The following SLC7A9 variants were observed in gnomAD, a reference collection of about 807,000 sequenced individuals.
SLC7A9 encodes the protein B(0,+)-type amino acid transporter 1.
SLC7A9 carries 38 observed loss-of-function variants against 54.1 expected under a neutral mutation model. The observed-to-expected ratio is 0.70, with a 90% CI of 0.54 to 0.92. The LOEUF (loss-of-function observed/expected upper bound fraction) is 0.92, where lower values mean the gene tolerates loss of function less well. Among genes scored for constraint, SLC7A9 ranks in the 40% least tolerant of loss-of-function variants. The pLI is 0.00. For missense variants in SLC7A9, 537 were observed against 636.1 expected, an observed-to-expected ratio of 0.84 and a Z score of 1.68; for synonymous variants, 264 against 258.9, an observed-to-expected ratio of 1.02 and a Z score of -0.19.
At chr19:32,844,512 C>A (rs1246895496) in intron 9 of SLC7A9, among the ~76,000 whole-genome samples, 1 of 151,968 alleles carries the variant, frequency 6.6e-6, no homozygotes, top group Admixed American at 6.6e-5. Context: ...TCTGGCTAAC[C>A]AGAATTTCTT....
intron 1 of SLC7A9, 60 bp from the exon 2 acceptor site, chr19:32,868,705 C>T (rs898198719): frequency 2.1e-5 from 14 of 682,116 alleles, no homozygotes; most frequent in Non-Finnish European, 3.2e-5. Flanking sequence ...TCCCTCAGGG[C>T]TCATGCGCTG....
intron 9 of SLC7A9, among the ~76,000 whole-genome samples, chr19:32,852,385 G>A (rs1376943114): frequency 6.6e-6 from 1 of 151,950 alleles, no homozygotes; most frequent in Non-Finnish European, 1.5e-5. Flanking sequence ...AGCTACTTGA[G>A]AGGCTGAGGT....
intron 9 of SLC7A9, among the ~76,000 whole-genome samples, chr19:32,851,172 A>G (rs1321905635): frequency 1.3e-5 from 2 of 152,208 alleles, no homozygotes; most frequent in African/African-American, 2.4e-5. Context: ...AAATTGACAA[A>G]TGGGATCTAA....
chr19:32,864,241 G>A lies in SLC7A9; in HGVS notation c.333C>T (p.Leu111=), dbSNP rs1423900217. The change falls in exon 4 of 13, where the codon CTC becomes CTT. Residue 111 remains leucine (L), a synonymous_variant. Transcript: ENST00000023064. ...TGACGATCAGGCTGGCCCAGGAGAA[G>A]AGGTAGGCGGGGATGGGCCCGTAGG... ...MEAYGPIPAY[L]FSWASLIVIK... The A allele has an allele frequency of 6.2e-7, 1 of 1,614,242 alleles. No individual in the cohort carries two copies. The highest frequency in any genetic ancestry group is 8.5e-7 in the Non-Finnish European group (1 of 1,180,032).
At position 32,843,929 on chromosome 19, in the gene SLC7A9, C is replaced by T. The variant is rs1968202952; in HGVS notation, c.1000G>A (p.Glu334Lys). ...AGRLIYVAGR[E>K]GHMLKVLSYI... ...GAAAGCACTTTGAGCATGTGACCCT[C>T]CCGGCCCGCCACGTAAATGAGTCTG... is the stretch of plus-strand genomic sequence containing the variant. The change falls in exon 10 of 13, where the codon GAG becomes AAG. Residue 334 changes from glutamate (E) to lysine (K), a missense_variant. Physicochemically the swap from Glu to Lys is moderately conservative, Grantham distance 56. Coordinates refer to ENST00000023064, the MANE Select transcript of SLC7A9 (RefSeq NM_014270.5). 3.1e-6 allele frequency: 5 copies of T among 1,613,596 alleles called. No homozygotes were observed. The highest frequency in any genetic ancestry group is 4.2e-6 in the Non-Finnish European group (5 of 1,179,920).
chr19:32,848,379 T>C (rs933131904), intron 9 of SLC7A9, among the ~76,000 whole-genome samples: 3 of 151,952 alleles, frequency 2.0e-5, no homozygotes, highest in African/African-American at 7.3e-5. Context: ...AAGGCAGGGG[T>C]TGCAATCCTA....
In SLC7A9 at chr19:32,830,681, G is replaced by A. The variant is rs80283711; in HGVS notation, c.1403C>T (p.Pro468Leu). 1.0e-3 allele frequency: 1,684 copies of A among 1,613,602 alleles called. 15 individuals are homozygous for A. In the Admixed American group the frequency reaches 0.014, roughly 14 times the overall value. Residue 468 changes from proline to leucine, a missense_variant, in exon 13 of 13, where the codon CCG becomes CTG. Pro to Leu is a moderately conservative substitution (Grantham distance 98). Coordinates refer to ENST00000023064, the MANE Select transcript of SLC7A9 (RefSeq NM_014270.5). ...TAGCATCTGAAGGTGCATGGTAATC[G>A]GCTCTGAAATAAGAGTCAAAAATGA... ...KFGWAQKISK[P>L]ITMHLQMLME...
chr19:32,859,833 G>GCACTCA lies in SLC7A9; in HGVS notation c.873+2_873+7dup. 6.2e-7 allele frequency: 1 copy of GCACTCA among 1,610,472 alleles called. No individual in the cohort carries two copies. Among genetic ancestry groups the GCACTCA allele is most frequent in the Non-Finnish European group, 8.5e-7 (1 of 1,176,686 alleles). On this transcript the variant is annotated splice_region_variant and intron_variant, in intron 8 of 12. Coordinates refer to ENST00000023064, the MANE Select transcript of SLC7A9 (RefSeq NM_014270.5). ...AGCCCCCGCCAGCAGCGATGCCCGG[G>GCACTCA]CACTCACCACAGCCACCGCCTGGGA...
chr19:32,837,715 GTCAGTACGCCTACACGTGGCTT>G (rs1270066915), intron 11 of SLC7A9, among the ~76,000 whole-genome samples: 6 of 152,062 alleles, frequency 3.9e-5, no homozygotes, highest in Admixed American at 6.6e-5. Context: ...ACCTCACACT[GTCAGTACGCCTACACGTGGCTT>G]TCAGTACGCC....
At chr19:32,857,172 CG>C (rs1275027873) in intron 9 of SLC7A9, among the ~76,000 whole-genome samples, 1 of 151,754 alleles carries the variant, frequency 6.6e-6, no homozygotes, top group African/African-American at 2.4e-5. Context: ...AGGCTGGGCA[CG>C]ATAGCTCATG....
chr19:32,839,382 GTC>G (rs1039229383), intron 11 of SLC7A9, among the ~76,000 whole-genome samples: 8 of 152,046 alleles, frequency 5.3e-5, no homozygotes, highest in Non-Finnish European at 1.0e-4. Context: ...GTGAAACCCT[GTC>G]TCTACTAAAA....
intron 9 of SLC7A9, among the ~76,000 whole-genome samples, chr19:32,856,935 G>A (rs939149882): frequency 1.3e-5 from 2 of 152,010 alleles, no homozygotes; most frequent in Admixed American, 6.6e-5. Context: ...GGTGGATCAC[G>A]AGGTCAGGAG....
chr19:32,848,641 C>A (rs562407302), intron 9 of SLC7A9, among the ~76,000 whole-genome samples: 13 of 152,154 alleles, frequency 8.5e-5, no homozygotes, highest in African/African-American at 3.1e-4. Context: ...AGAAAGTTAA[C>A]AAGAATACCC....
At chr19:32,835,913 G>A (rs199659277) in intron 11 of SLC7A9, among the ~76,000 whole-genome samples, 1,659 of 49,384 alleles carry the variant, frequency 0.034, 33 homozygotes, top group African/African-American at 0.14. Flanking sequence ...GTGTGTGTAT[G>A]TGTGTGTGTG....
chr19:32,847,167 T>A (rs11667586), intron 9 of SLC7A9, among the ~76,000 whole-genome samples: 1 of 152,050 alleles, frequency 6.6e-6, no homozygotes, highest in Non-Finnish European at 1.5e-5. Flanking sequence ...TCACCAGCAA[T>A]GGAACAAAGC....
chr19:32,863,552 G>A (rs1018513831), intron 4 of SLC7A9, among the ~76,000 whole-genome samples: 3 of 152,036 alleles, frequency 2.0e-5, no homozygotes, highest in Non-Finnish European at 4.4e-5. Context: ...TAGAGTCAAG[G>A]TTCTCACTGT....
At position 32,860,654 on chromosome 19, in the gene SLC7A9, G is replaced by A. The variant is rs1399794663; in HGVS notation, c.705-4C>T. 1.9e-6 allele frequency: 3 copies of A among 1,613,898 alleles called. No homozygotes were observed. In the African/African-American group the frequency reaches 4.0e-5, roughly 22 times the overall value. ...TGTGATGTAATTGAGTTGATTCCTG[G>A]AAAAAGGAAAGTAACAAGCGTCACA... On this transcript the variant is annotated splice_region_variant and splice_polypyrimidine_tract_variant and intron_variant, in intron 6 of 12. Transcript: ENST00000023064.
intron 11 of SLC7A9, among the ~76,000 whole-genome samples, chr19:32,837,781 T>G (rs956890271): frequency 2.0e-5 from 3 of 152,194 alleles, no homozygotes; most frequent in Non-Finnish European, 4.4e-5. Context: ...GAATTTGGAA[T>G]GTAACTTGAA....
At chr19:32,853,102 G>A (rs1968517908) in intron 9 of SLC7A9, among the ~76,000 whole-genome samples, 1 of 151,950 alleles carries the variant, frequency 6.6e-6, no homozygotes, top group African/African-American at 2.4e-5. Flanking sequence ...GTAGAGACAG[G>A]GTTTCACCAT....
Sources: gnomAD v4.1 joint callset for allele counts (sites outside exome capture counted in the v4.1 genomes callset) on GRCh38, gnomAD v4.1.1 for gene constraint, MANE v1.5 for transcripts, NCBI Gene and HGNC (gene_info 2026-07-23, HGNC 2026-07-21) for gene names.